The following DAB1 variants were observed in gnomAD, a reference collection of about 807,000 sequenced individuals.
DAB1 encodes DAB adaptor protein 1, also known as disabled homolog 1.
Under a neutral mutation model 64.6 loss-of-function variants are expected in DAB1, and 15 were observed. That is an observed-to-expected ratio of 0.23 (90% CI 0.16 to 0.36). The LOEUF (loss-of-function observed/expected upper bound fraction) is 0.36, where lower values mean the gene tolerates loss of function less well. DAB1 is among the 10% of genes least tolerant of loss of function. The pLI is 1.00. For synonymous variants in DAB1, 235 were observed against 251.9 expected (o/e 0.93, Z 0.64); for missense variants, 596 against 706.7 (o/e 0.84, Z 1.78).
At chr1:57,230,518 A>G (rs1256683471) in intron 2 of DAB1, among the ~76,000 whole-genome samples, 1 of 152,192 alleles carries the variant, frequency 6.6e-6, no homozygotes, top group Admixed American at 6.5e-5. Context: ...AAACCCAAAC[A>G]TGCTATTTCT....
chr1:57,962,880 A>C (rs1570094755), intron 5 of DAB1, among the ~76,000 whole-genome samples: 1 of 151,960 alleles, frequency 6.6e-6, no homozygotes, highest in Admixed American at 6.6e-5. Context: ...TCTCAAAAAA[A>C]AAACAAAACA....
chr1:57,508,682 G>A (rs560356243), intron 7 of DAB1, among the ~76,000 whole-genome samples: 1 of 152,298 alleles, frequency 6.6e-6, no homozygotes, highest in Non-Finnish European at 1.5e-5. Context: ...AAACAGGCAG[G>A]TAGTGGGATG....
chr1:58,076,102 G>A (rs948655515), intron 5 of DAB1, among the ~76,000 whole-genome samples: 1 of 152,124 alleles, frequency 6.6e-6, no homozygotes, highest in African/African-American at 2.4e-5. Context: ...AGTGAGGTGG[G>A]CATTTAAGAA....
At chr1:58,052,360 T>C (rs1457331621) in intron 5 of DAB1, among the ~76,000 whole-genome samples, 1 of 152,196 alleles carries the variant, frequency 6.6e-6, no homozygotes, top group Non-Finnish European at 1.5e-5. Flanking sequence ...GTTGTAGATG[T>C]GTGGCATTAC....
chr1:57,844,810 G>T (rs1358297632), intron 1 of DAB1, among the ~76,000 whole-genome samples: 1 of 152,020 alleles, frequency 6.6e-6, no homozygotes, highest in Non-Finnish European at 1.5e-5. Context: ...ATACATCTAG[G>T]AATGTAGGTC....
chr1:57,679,721 G>A (rs1245143475), intron 6 of DAB1, among the ~76,000 whole-genome samples: 3 of 152,192 alleles, frequency 2.0e-5, no homozygotes, highest in East Asian at 3.8e-4. Context: ...AGAAAACAAA[G>A]TGGGAGAGAC....
intron 5 of DAB1, among the ~76,000 whole-genome samples, chr1:57,905,367 A>C (rs1644535499): frequency 6.6e-6 from 1 of 152,100 alleles, no homozygotes; most frequent in Non-Finnish European, 1.5e-5. Context: ...GGACTAGAGC[A>C]GTGCCTGCAG....
At chr1:58,504,894 T>G (rs72672213) in intron 3 of DAB1, among the ~76,000 whole-genome samples, 8,180 of 152,292 alleles carry the variant, frequency 0.054, 277 homozygotes, top group African/African-American at 0.082. Context: ...TCTAGCATCA[T>G]TTCTTTCTTT....
intron 1 of DAB1, among the ~76,000 whole-genome samples, chr1:57,328,458 A>G (rs1477042911): frequency 6.6e-6 from 1 of 152,176 alleles, no homozygotes. Context: ...TTCCTAGCTA[A>G]CAGGTACTTG....
At chr1:57,448,960 C>T (rs1355109525) in intron 7 of DAB1, among the ~76,000 whole-genome samples, 1 of 152,176 alleles carries the variant, frequency 6.6e-6, no homozygotes, top group Non-Finnish European at 1.5e-5. Flanking sequence ...TTCCCATGGT[C>T]ACACTTTCTT....
chr1:57,316,945 TAAGCAAGTATGC>T lies in DAB1; in HGVS notation c.-136-25791_-136-25780del, dbSNP rs553357453. 3.3e-5 allele frequency among the ~76,000 whole-genome samples: 5 copies of T among 152,342 alleles called. No individual in the cohort carries two copies. In the South Asian group the frequency reaches 1.0e-3, roughly 32 times the overall value. On this transcript the variant is annotated intron_variant, in intron 1 of 14. Transcript: ENST00000371236. Reference sequence around the variant, plus strand: ...TGGGCTGGACTTAGTGACTTACTTGTAAGCAAGTATGCTTATTTGTAATAAATGGAATATGGC... The same window carrying T: ...TGGGCTGGACTTAGTGACTTACTTGTTTATTTGTAATAAATGGAATATGGC...
At chr1:58,350,233 T>C (rs1279011614) in intron 3 of DAB1, among the ~76,000 whole-genome samples, 3 of 152,238 alleles carry the variant, frequency 2.0e-5, no homozygotes, top group Non-Finnish European at 4.4e-5. Flanking sequence ...TTCACGTGTT[T>C]GTTGGCTGCA....
At chr1:58,069,125 A>G (rs962307573) in intron 5 of DAB1, among the ~76,000 whole-genome samples, 3 of 152,236 alleles carry the variant, frequency 2.0e-5, no homozygotes, top group African/African-American at 7.2e-5. Context: ...CACAGTACAT[A>G]ATACACAGTC....
At chr1:57,178,160 A>T (rs1662531888) in intron 2 of DAB1, among the ~76,000 whole-genome samples, 1 of 152,160 alleles carries the variant, frequency 6.6e-6, no homozygotes, top group African/African-American at 2.4e-5. Flanking sequence ...TAGAAATGGA[A>T]ATAATCACTC....
At chr1:58,210,919 G>T (rs187744061) in intron 4 of DAB1, among the ~76,000 whole-genome samples, 47 of 152,304 alleles carry the variant, frequency 3.1e-4, no homozygotes, top group Admixed American at 3.0e-3. Flanking sequence ...CTGAGAACAT[G>T]TTATTTGAGG....
Position 58,183,443 on chromosome 1 carries a change from G to A in DAB1, n.310-32855C>T, listed in dbSNP as rs59166477. Among the ~76,000 whole-genome samples, 1,385 of 151,164 alleles carry A rather than the reference G, an allele frequency of 9.2e-3. 24 individuals carry two copies. Among genetic ancestry groups the A allele is most frequent in the African/African-American group, 0.033 (1,323 of 40,540 alleles). ...AACAGGGATAGTGGCAGCTTATCAA[G>A]GTACACAATGGCTATCTCATTCTAG... On this transcript the variant is annotated intron_variant and non_coding_transcript_variant, in intron 4 of 20. Coordinates refer to the DAB1 transcript ENST00000485760.
intron 4 of DAB1, among the ~76,000 whole-genome samples, chr1:57,091,124 G>T (rs1258551407): frequency 6.6e-6 from 1 of 152,060 alleles, no homozygotes; most frequent in Non-Finnish European, 1.5e-5. Context: ...ACATCCCCTT[G>T]TTGCCCCATG....
At chr1:57,300,435 G>C (rs1347021261) in intron 1 of DAB1, among the ~76,000 whole-genome samples, 1 of 152,148 alleles carries the variant, frequency 6.6e-6, no homozygotes, top group Non-Finnish European at 1.5e-5. Context: ...GGATGCAGAC[G>C]GAAGACTTCC....
chr1:58,009,897 A>G (rs1043108531), intron 5 of DAB1, among the ~76,000 whole-genome samples: 15 of 152,188 alleles, frequency 9.9e-5, no homozygotes, highest in Non-Finnish European at 1.8e-4. Context: ...AGCATTTACT[A>G]TGTGCCAGGT....
Sources: allele counts gnomAD v4.1 joint callset (sites outside exome capture counted in the v4.1 genomes callset), GRCh38; gene constraint gnomAD v4.1.1; transcripts MANE v1.5; gene names NCBI Gene and HGNC (gene_info 2026-07-23, HGNC 2026-07-21).